SIAH3: variants seen among roughly 807,000 people sequenced by gnomAD.
SIAH3 encodes the protein seven in absentia homolog 3.
A neutral mutation model predicts 12.6 loss-of-function variants in SIAH3; 9 were observed. The ratio of observed to expected loss-of-function variants is 0.72; its 90% confidence interval spans 0.43 to 1.25. The LOEUF (loss-of-function observed/expected upper bound fraction) is 1.25, where lower values mean the gene tolerates loss of function less well. SIAH3 is among the 50% of genes most tolerant of loss of function. SIAH3 has a pLI of 0.00. For missense variants in SIAH3, 390 were observed against 365.4 expected (o/e 1.07, Z -0.55); for synonymous variants, 154 against 151.1 (o/e 1.02, Z -0.14).
rs932493587 is a variant in SIAH3 at position 45,851,722 on chromosome 13, G to T, written c.-93C>A. On this transcript the variant is annotated 5_prime_UTR_variant, in exon 1 of 2. Coordinates refer to ENST00000400405, the MANE Select transcript of SIAH3 (RefSeq NM_198849.3). ...AGGAGCGCAGCCTCTGAGACACTCC[G>T]CTCCAGCCCGGCTTAGCGCGCCTTC... 1 of 1,520,600 alleles carries T rather than the reference G, an allele frequency of 6.6e-7. No homozygotes were observed. Among genetic ancestry groups the T allele is most frequent in the Non-Finnish European group, 9.0e-7 (1 of 1,112,280 alleles). 94.2% of individuals were successfully genotyped at this position (1,520,600 alleles called of 1,614,324 possible).
rs115246770 is a variant in SIAH3, at chr13:45,845,831, A to G, written c.135+5664T>C. ...TCATAGAAGGGGTGAGGGAGTGAGG[A>G]AGGATGATGACTTAGAAGCTCTAAT... On this transcript the variant is annotated intron_variant, in intron 1 of 1. Coordinates refer to ENST00000400405, the MANE Select transcript of SIAH3 (RefSeq NM_198849.3). Among the ~76,000 whole-genome samples the G allele has an allele frequency of 7.5e-3, 1,134 of 152,182 alleles. 14 individuals carry two copies. The highest frequency in any genetic ancestry group is 0.025 in the African/African-American group (1,031 of 41,494).
chr13:45,799,736 T>A (rs1950575155), intron 1 of SIAH3, among the ~76,000 whole-genome samples: 1 of 152,174 alleles, frequency 6.6e-6, no homozygotes, highest in Non-Finnish European at 1.5e-5. Context: ...CACTCAATTA[T>A]CCCCATGTGT....
chr13:45,801,649 T>C (rs550594432), intron 1 of SIAH3, among the ~76,000 whole-genome samples: 198 of 152,336 alleles, frequency 1.3e-3, no homozygotes, highest in South Asian at 3.3e-3. Context: ...CAACATATAC[T>C]TAATAACGTG....
Position 45,783,271 on chromosome 13 carries a change from A to C in SIAH3, c.*112T>G. ...AAAAAAATAATAATAATTAAAAATTAAAAAAAAAAAAAAGAAAGGAGAAGA... is the reference window on the plus strand; with the variant it reads ...AAAAAAATAATAATAATTAAAAATTCAAAAAAAAAAAAAGAAAGGAGAAGA... On this transcript the variant is annotated 3_prime_UTR_variant, in exon 2 of 2. Coordinates refer to ENST00000400405, the MANE Select transcript of SIAH3 (RefSeq NM_198849.3). The C allele has an allele frequency of 3.7e-6, 1 of 269,902 alleles. No individual in the cohort carries two copies. The highest frequency in any genetic ancestry group is 5.3e-6 in the Non-Finnish European group (1 of 188,222). The allele number at this position is 269,902 out of a possible 1,614,324, so 16.7% of individuals were successfully genotyped here. A position where few individuals can be genotyped will look rare whatever the true frequency, so the allele number is the denominator to read the frequency against.
Position 45,812,802 on chromosome 13 carries a change from A to G in SIAH3, c.136-28745T>C, listed in dbSNP as rs373214756. 4.6e-5 allele frequency among the ~76,000 whole-genome samples: 7 copies of G among 152,338 alleles called. No individual in the cohort carries two copies. In the East Asian group the frequency reaches 1.2e-3, roughly 25 times the overall value. ...GGAATTTCCTAGGATTTTTTGTTGC[A>G]CTAGTGACATAAAAGGCTTTGCAGA... On this transcript the variant is annotated intron_variant, in intron 1 of 1. Coordinates refer to ENST00000400405, the MANE Select transcript of SIAH3 (RefSeq NM_198849.3).
At chr13:45,838,609 T>C (rs1950727545) in intron 1 of SIAH3, among the ~76,000 whole-genome samples, 1 of 152,084 alleles carries the variant, frequency 6.6e-6, no homozygotes, top group South Asian at 2.1e-4. Flanking sequence ...GGACAGGGAA[T>C]GGTGATGATG....
chr13:45,828,275 G>A (rs1022872070), intron 1 of SIAH3, among the ~76,000 whole-genome samples: 5 of 152,046 alleles, frequency 3.3e-5, no homozygotes, highest in South Asian at 2.1e-4. Context: ...ATAACCTTCC[G>A]TGGCTGAAGT....
rs377564959 is a variant in SIAH3, at chr13:45,804,439, C to T, written c.136-20382G>A. Reference sequence around the variant, plus strand: ...GAGGGAGGGTAGAGTGGAGTGGTTGCTAACAAATATGGGATTTCTTTTGGG... The same window carrying T: ...GAGGGAGGGTAGAGTGGAGTGGTTGTTAACAAATATGGGATTTCTTTTGGG... On this transcript the variant is annotated intron_variant, in intron 1 of 1. Transcript: ENST00000400405. 6.6e-5 allele frequency among the ~76,000 whole-genome samples: 10 copies of T among 152,146 alleles called. No homozygotes were observed. The South Asian group carries it at 1.2e-3, about 19-fold the overall frequency.
At chr13:45,815,083 ATTT>A (rs58472474) in intron 1 of SIAH3, among the ~76,000 whole-genome samples, 1 of 132,324 alleles carries the variant, frequency 7.6e-6, no homozygotes, top group Non-Finnish European at 1.7e-5. Flanking sequence ...ATAGACCTTC[ATTT>A]TTTTTTTTTT....
At chr13:45,794,915 G>A (rs914526454) in intron 1 of SIAH3, among the ~76,000 whole-genome samples, 18 of 148,908 alleles carry the variant, frequency 1.2e-4, no homozygotes, top group Non-Finnish European at 2.2e-4. Context: ...GTCCTTCCAC[G>A]TTTCCCTTAA....
intron 1 of SIAH3, among the ~76,000 whole-genome samples, chr13:45,817,976 C>A (rs1950640343): frequency 6.6e-6 from 1 of 152,190 alleles, no homozygotes; most frequent in Non-Finnish European, 1.5e-5. Flanking sequence ...GCCCAGCCTG[C>A]ATCCCTTTTG....
chr13:45,851,259 G>C (rs1950780559), intron 1 of SIAH3, among the ~76,000 whole-genome samples: 1 of 152,122 alleles, frequency 6.6e-6, no homozygotes, highest in East Asian at 1.9e-4. Flanking sequence ...AAAGACATCA[G>C]ACCATCAATC....
chr13:45,818,253 A>G (rs1431002175), intron 1 of SIAH3, among the ~76,000 whole-genome samples: 1 of 152,168 alleles, frequency 6.6e-6, no homozygotes, highest in Non-Finnish European at 1.5e-5. Context: ...GTGTTTCTTC[A>G]GGTCACCTTC....
At chr13:45,838,371 G>A (rs1998891) in intron 1 of SIAH3, among the ~76,000 whole-genome samples, 101,844 of 152,082 alleles carry the variant, frequency 0.67, 35,600 homozygotes, top group East Asian at 0.94. Context: ...CAGTAAGCAC[G>A]CTGAGAAGGG....
At chr13:45,784,812 C>T (rs1382273813) in intron 1 of SIAH3, among the ~76,000 whole-genome samples, 5 of 152,134 alleles carry the variant, frequency 3.3e-5, no homozygotes, top group African/African-American at 1.2e-4. Context: ...CCCACAAGTG[C>T]CCCCCAAAAC....
rs1950507895 is a variant in SIAH3 at position 45,782,429 on chromosome 13, G to C, written c.*954C>G. On this transcript the variant is annotated 3_prime_UTR_variant, in exon 2 of 2. Coordinates refer to ENST00000400405, the MANE Select transcript of SIAH3 (RefSeq NM_198849.3). ...ATGATGAGTCCTGGTTCTGCTTTTTGCATGATATGAAAGAACTGCACCCTA... is the reference window on the plus strand; with the variant it reads ...ATGATGAGTCCTGGTTCTGCTTTTTCCATGATATGAAAGAACTGCACCCTA... 6.6e-6 allele frequency: 1 copy of C among 152,102 alleles called. No homozygotes were observed. The highest frequency in any genetic ancestry group is 2.1e-4 in the South Asian group (1 of 4,822). 9.4% of individuals were successfully genotyped at this position (152,102 alleles called of 1,614,324 possible). A position where few individuals can be genotyped will look rare whatever the true frequency, so the allele number is the denominator to read the frequency against.
In SIAH3 at chr13:45,783,569, G is replaced by T; in HGVS notation, c.624C>A (p.Asn208Lys). ...CFTYRLELNR[N>K]HRRLKWEATP... ...TGGCCTCCCACTTGAGGCGCCGATG[G>T]TTTCTGTTGAGCTCCAGGCGATAGG... The change falls in exon 2 of 2, where the codon AAC (asparagine) becomes AAA (lysine). Residue 208 changes from asparagine to lysine, a missense_variant. Transcript: ENST00000400405. The T allele has an allele frequency of 6.2e-7, 1 of 1,614,242 alleles. No individual in the cohort carries two copies. Among genetic ancestry groups the T allele is most frequent in the East Asian group, 2.2e-5 (1 of 44,884 alleles).
intron 1 of SIAH3, among the ~76,000 whole-genome samples, chr13:45,804,665 G>T (rs61955371): frequency 6.6e-6 from 1 of 152,084 alleles, no homozygotes; most frequent in Non-Finnish European, 1.5e-5. Context: ...ACACGACAAG[G>T]ATGGCCACTC....
intron 1 of SIAH3, among the ~76,000 whole-genome samples, chr13:45,835,644 T>C (rs916736862): frequency 6.6e-6 from 1 of 152,210 alleles, no homozygotes; most frequent in Non-Finnish European, 1.5e-5. Flanking sequence ...AGGCAGTAGC[T>C]GAACCCAGGT....
Sources: allele counts gnomAD v4.1 joint callset (sites outside exome capture counted in the v4.1 genomes callset), GRCh38; gene constraint gnomAD v4.1.1; transcripts MANE v1.5; gene names NCBI Gene and HGNC (gene_info 2026-07-23, HGNC 2026-07-21).